AFAP1: variants seen among roughly 807,000 people sequenced by gnomAD.
AFAP1 encodes actin filament-associated protein 1.
Under a neutral mutation model 93.9 loss-of-function variants are expected in AFAP1, and 75 were observed. The observed-to-expected ratio is 0.80, with a 90% confidence interval of 0.66 to 0.97. AFAP1 has a LOEUF of 0.97. AFAP1 is among the 50% of genes least tolerant of loss of function. AFAP1 has a pLI of 0.00. For synonymous variants in AFAP1, 517 were observed against 430.7 expected, an observed-to-expected ratio of 1.20 and a Z score of -2.48; for missense variants, 1,201 against 1,050.8, an observed-to-expected ratio of 1.14 and a Z score of -1.98.
At chr4:7,801,433 TA>T (rs1229431368) in intron 9 of AFAP1, among the ~76,000 whole-genome samples, 170 of 146,482 alleles carry the variant, frequency 1.2e-3, no homozygotes, top group African/African-American at 3.1e-3. Flanking sequence ...TATCCTCATT[TA>T]AAAAAAAAAA....
At chr4:7,858,783 A>G (rs1290989363) in intron 3 of AFAP1, among the ~76,000 whole-genome samples, 1 of 152,212 alleles carries the variant, frequency 6.6e-6, no homozygotes, top group East Asian at 1.9e-4. Flanking sequence ...AAACAAGGGC[A>G]TCGCATCAGA....
intron 17 of AFAP1, among the ~76,000 whole-genome samples, chr4:7,764,394 A>T (rs565248553): frequency 7.2e-4 from 107 of 148,028 alleles, no homozygotes; most frequent in East Asian, 2.2e-3. Context: ...AAAAAATATA[A>T]AAAAAAAAGG....
At chr4:7,899,816 C>T (rs985931966) in intron 1 of AFAP1, among the ~76,000 whole-genome samples, 4 of 145,108 alleles carry the variant, frequency 2.8e-5, no homozygotes, top group African/African-American at 7.4e-5. Flanking sequence ...ACTGAAAACA[C>T]CAAAGATTCA....
intron 8 of AFAP1, among the ~76,000 whole-genome samples, chr4:7,810,986 T>C (rs1351336851): frequency 6.6e-6 from 1 of 152,086 alleles, no homozygotes; most frequent in African/African-American, 2.4e-5. Flanking sequence ...AATCAGAACG[T>C]GCGTGTGAGA....
chr4:7,868,545 C>CA (rs1463481845), intron 3 of AFAP1, 77 bp downstream of exon 3: 5 of 1,296,038 alleles, frequency 3.9e-6, no homozygotes, highest in Non-Finnish European at 5.3e-6. Flanking sequence ...ACCGGGCTTC[C>CA]ATCACAGGCC....
At chr4:7,763,961 T>A (rs571943790) in intron 17 of AFAP1, among the ~76,000 whole-genome samples, 170 bp from the exon 18 acceptor site, 1 of 151,018 alleles carries the variant, frequency 6.6e-6, no homozygotes, top group East Asian at 1.9e-4. Flanking sequence ...TATTCACCTA[T>A]CAGAATGGAG....
At chr4:7,885,592 G>A (rs971983984) in intron 1 of AFAP1, among the ~76,000 whole-genome samples, 1 of 152,218 alleles carries the variant, frequency 6.6e-6, no homozygotes, top group African/African-American at 2.4e-5. Context: ...AGAATGTCAA[G>A]CACGATGCCT....
intron 1 of AFAP1, among the ~76,000 whole-genome samples, chr4:7,902,065 C>CGAACTG (rs1719144191): frequency 2.0e-5 from 3 of 152,196 alleles, no homozygotes; most frequent in African/African-American, 7.2e-5. Flanking sequence ...GCTCTGCTTT[C>CGAACTG]GAACTGCGGG....
intron 6 of AFAP1, among the ~76,000 whole-genome samples, chr4:7,834,670 A>G (rs1712062530): frequency 6.6e-6 from 1 of 152,238 alleles, no homozygotes; most frequent in Non-Finnish European, 1.5e-5. Flanking sequence ...CTGCCTTGCT[A>G]CCCCAAGGGG....
chr4:7,769,234 GGT>G (rs1715065582), intron 16 of AFAP1, among the ~76,000 whole-genome samples: 1 of 152,214 alleles, frequency 6.6e-6, no homozygotes, highest in African/African-American at 2.4e-5. Context: ...GGCTCCAAGG[GGT>G]GCTCTGACTC....
chr4:7,937,306 T>C (rs1170648708), intron 1 of AFAP1, among the ~76,000 whole-genome samples: 2 of 152,230 alleles, frequency 1.3e-5, no homozygotes, highest in African/African-American at 4.8e-5. Context: ...GCTTCCGTTA[T>C]TTACACCATT....
intron 1 of AFAP1, among the ~76,000 whole-genome samples, chr4:7,878,970 G>A (rs1289351451): frequency 6.6e-6 from 1 of 152,090 alleles, no homozygotes; most frequent in East Asian, 1.9e-4. Context: ...ACACAGGACA[G>A]GCTAGCTACA....
At chr4:7,819,323 C>T (rs907581983) in intron 6 of AFAP1, 152 bp from the exon 7 acceptor site, 5 of 598,282 alleles carry the variant, frequency 8.4e-6, no homozygotes, top group African/African-American at 3.7e-5. Flanking sequence ...GCCAGGTACT[C>T]ATTTGTTCAC....
intron 1 of AFAP1, among the ~76,000 whole-genome samples, chr4:7,924,920 A>G (rs936747237): frequency 1.3e-5 from 2 of 152,100 alleles, no homozygotes; most frequent in African/African-American, 4.8e-5. Flanking sequence ...CATTCAGAGA[A>G]AGCCAAATAC....
intron 6 of AFAP1, among the ~76,000 whole-genome samples, chr4:7,831,149 G>A (rs1051962342): frequency 1.2e-4 from 18 of 152,028 alleles, no homozygotes; most frequent in African/African-American, 3.1e-4. Context: ...ACAGTATCTG[G>A]AAGAAACTAC....
chr4:7,812,030 G>T lies in AFAP1; in HGVS notation c.905-2267C>A, dbSNP rs183278430. Among the ~76,000 whole-genome samples the T allele has an allele frequency of 1.8e-3, 265 of 150,622 alleles. 1 individual carries two copies. Among genetic ancestry groups the T allele is most frequent in the African/African-American group, 6.1e-3 (249 of 40,956 alleles). Reference sequence around the variant, plus strand: ...TGGCTTTCGATCCCTAAGTCTGAAGGCACAGCCCCTCCCAGCTACCATCAG... The same window carrying T: ...TGGCTTTCGATCCCTAAGTCTGAAGTCACAGCCCCTCCCAGCTACCATCAG... On this transcript the variant is annotated intron_variant, in intron 8 of 17. Transcript: ENST00000420658.
At chr4:7,867,107 A>C (rs1480150331) in intron 3 of AFAP1, among the ~76,000 whole-genome samples, 1 of 39,804 alleles carries the variant, frequency 2.5e-5, no homozygotes, top group Non-Finnish European at 4.8e-5. Flanking sequence ...AGAGGGGAGT[A>C]GAGGGGAGGG....
chr4:7,921,068 ATTAGAAGACTAAAT>A (rs1472552192), intron 1 of AFAP1, among the ~76,000 whole-genome samples: 4 of 151,952 alleles, frequency 2.6e-5, no homozygotes, highest in Admixed American at 6.6e-5. Context: ...GCATTTTCAA[ATTAGAAGACTAAAT>A]TCAGGTCCTG....
chr4:7,758,749 C>G lies in AFAP1; in HGVS notation c.*5016G>C, dbSNP rs1046795872. ...AAGTTTATTCATACACAAAGGGGCA[C>G]GCCAAGGGCGCCAGTCTAGGGTTAC... On this transcript the variant is annotated 3_prime_UTR_variant, in exon 18 of 18. Coordinates refer to ENST00000420658, the MANE Select transcript of AFAP1 (RefSeq NM_001134647.2). 1 of 152,118 alleles carries G rather than the reference C, an allele frequency of 6.6e-6. No individual in the cohort carries two copies. The highest frequency in any genetic ancestry group is 2.4e-5 in the African/African-American group (1 of 41,398). The allele number at this position is 152,118 out of a possible 1,614,324, so 9.4% of individuals were successfully genotyped here. A position where few individuals can be genotyped will look rare whatever the true frequency, so the allele number is the denominator to read the frequency against.
Sources: allele counts gnomAD v4.1 joint callset (sites outside exome capture counted in the v4.1 genomes callset), GRCh38; gene constraint gnomAD v4.1.1; transcripts MANE v1.5; gene names NCBI Gene and HGNC (gene_info 2026-07-23, HGNC 2026-07-21).